The following ULK4 variants were observed in gnomAD, a reference collection of about 807,000 sequenced individuals.
ULK4 encodes the protein inactive serine/threonine-protein kinase ULK4.
A neutral mutation model predicts 160.6 loss-of-function variants in ULK4; 133 were observed. That is an observed-to-expected ratio of 0.83 (90% confidence interval 0.72 to 0.96). The LOEUF (loss-of-function observed/expected upper bound fraction) is 0.96, where lower values mean the gene tolerates loss of function less well. ULK4 is among the 40% of genes least tolerant of loss of function. The probability of loss-of-function intolerance (pLI) is 0.00; values close to 1 mark genes in which losing one functional copy is unlikely to be tolerated. For missense variants in ULK4, 1,580 were observed against 1,499.5 expected (o/e 1.05, Z -0.89); for synonymous variants, 534 against 539.8 (o/e 0.99, Z 0.15).
intron 32 of ULK4, among the ~76,000 whole-genome samples, chr3:41,531,619 GT>G (rs1379434254): frequency 6.6e-6 from 1 of 151,954 alleles, no homozygotes; most frequent in African/African-American, 2.4e-5. Flanking sequence ...AAAAGACCAA[GT>G]GTGGTATTAC....
intron 32 of ULK4, among the ~76,000 whole-genome samples, chr3:41,481,916 T>C (rs1019805948): frequency 3.3e-5 from 5 of 151,918 alleles, no homozygotes; most frequent in Admixed American, 6.6e-5. Flanking sequence ...AGAAAATTAA[T>C]CCTTTATCAC....
At chr3:41,892,432 A>G (rs1697999659) in intron 16 of ULK4, among the ~76,000 whole-genome samples, 1 of 152,258 alleles carries the variant, frequency 6.6e-6, no homozygotes, top group East Asian at 1.9e-4. Flanking sequence ...TAGCCAAAAG[A>G]TATAAACAAG....
intron 31 of ULK4, among the ~76,000 whole-genome samples, chr3:41,582,246 T>C (rs778166143): frequency 2.2e-4 from 33 of 152,132 alleles, no homozygotes; most frequent in Non-Finnish European, 4.0e-4. Flanking sequence ...GATGTGTCTT[T>C]CGCCTTCTGC....
At chr3:41,693,972 C>T (rs1367153709) in intron 27 of ULK4, among the ~76,000 whole-genome samples, 6 of 152,194 alleles carry the variant, frequency 3.9e-5, no homozygotes, top group African/African-American at 1.2e-4. Flanking sequence ...CTATATACTC[C>T]CAGTGTTGCT....
intron 18 of ULK4, among the ~76,000 whole-genome samples, chr3:41,825,174 C>T (rs2041300161): frequency 6.6e-6 from 1 of 151,240 alleles, no homozygotes; most frequent in African/African-American, 2.5e-5. Context: ...ACATCACCAT[C>T]ATCAAAGACC....
chr3:41,714,235 A>G (rs2037189797), intron 25 of ULK4, among the ~76,000 whole-genome samples: 1 of 152,196 alleles, frequency 6.6e-6, no homozygotes, highest in Non-Finnish European at 1.5e-5. Flanking sequence ...TCTGAAATTG[A>G]GCACAAAGGG....
intron 35 of ULK4, among the ~76,000 whole-genome samples, chr3:41,274,239 C>G (rs1317263436): frequency 6.6e-6 from 1 of 152,104 alleles, no homozygotes; most frequent in African/African-American, 2.4e-5. Flanking sequence ...TGTTTCAAGG[C>G]AGGAGGGTAA....
rs1435260414 is a variant in ULK4, at chr3:41,453,836, A to G, written c.3492+1661T>C. Among the ~76,000 whole-genome samples the G allele has an allele frequency of 2.0e-5, 3 of 152,022 alleles. No individual in the cohort carries two copies. In the East Asian group the frequency reaches 5.8e-4, roughly 29 times the overall value. ...CATAGAAAAATTCCATTTAAGGAAT[A>G]CTATGCAGCCATAAAAAAGGATGAG... On this transcript the variant is annotated intron_variant, in intron 34 of 36. Transcript: ENST00000301831.
At chr3:41,844,792 A>T (rs1246291759) in intron 17 of ULK4, among the ~76,000 whole-genome samples, 1,277 of 5,580 alleles carry the variant, frequency 0.23, 19 homozygotes, top group African/African-American at 0.24. Flanking sequence ...GGTTTTTCTA[A>T]AAAAAAAAAA....
chr3:41,867,008 G>C (rs1696912421), intron 17 of ULK4, among the ~76,000 whole-genome samples: 1 of 152,074 alleles, frequency 6.6e-6, no homozygotes, highest in South Asian at 2.1e-4. Flanking sequence ...TCTAGCTAGA[G>C]ATTTAAAAAT....
chr3:41,935,667 T>C (rs1298589430), intron 4 of ULK4, 134 bp downstream of exon 4: 1 of 1,151,528 alleles, frequency 8.7e-7, no homozygotes, highest in South Asian at 1.7e-5. Context: ...TGCCTCCTTT[T>C]ATTTTAAAAA....
intron 3 of ULK4, chr3:41,937,385 T>C (rs752832445): frequency 4.6e-4 from 309 of 678,392 alleles, no homozygotes; most frequent in Non-Finnish European, 7.4e-4. Context: ...TTAATCCAAA[T>C]TACTTCTTTA....
chr3:41,393,517 G>A (rs2081997591), intron 35 of ULK4, among the ~76,000 whole-genome samples: 1 of 152,090 alleles, frequency 6.6e-6, no homozygotes, highest in African/African-American at 2.4e-5. Context: ...TAAACATCAT[G>A]TCTTGCCAAC....
chr3:41,652,635 T>C (rs1421717569), intron 30 of ULK4, among the ~76,000 whole-genome samples: 3 of 152,056 alleles, frequency 2.0e-5, no homozygotes, highest in Non-Finnish European at 4.4e-5. Flanking sequence ...AGCAACGCAG[T>C]AGTGAAAAGC....
At position 41,763,052 on chromosome 3, in the gene ULK4, A is replaced by G. The variant is rs117225508; in HGVS notation, c.2194-8564T>C. 6.5e-3 allele frequency among the ~76,000 whole-genome samples: 994 copies of G among 152,086 alleles called. 40 individuals are homozygous for G. In the East Asian group the frequency reaches 0.12, roughly 18 times the overall value. On this transcript the variant is annotated intron_variant, in intron 21 of 36. Transcript: ENST00000301831. ...TGGGGGAAGCCGCCCCCATGATCCA[A>G]TCGCCTCCCACCACCAGGTCCTTCC... is the stretch of plus-strand genomic sequence containing the variant.
intron 2 of ULK4, among the ~76,000 whole-genome samples, chr3:41,946,220 A>G (rs780038009): frequency 4.6e-5 from 7 of 152,254 alleles, no homozygotes; most frequent in Admixed American, 6.5e-5. Flanking sequence ...TAATAAAGGA[A>G]TAACTACAAT....
In ULK4 at chr3:41,378,562, C is replaced by G. The variant is rs933038825; in HGVS notation, c.3678+19517G>C. Among the ~76,000 whole-genome samples the G allele has an allele frequency of 2.0e-5, 3 of 150,214 alleles. No individual in the cohort carries two copies. The East Asian group carries it at 6.1e-4, about 30-fold the overall frequency. On this transcript the variant is annotated intron_variant, in intron 35 of 36. Coordinates refer to ENST00000301831, the MANE Select transcript of ULK4 (RefSeq NM_017886.4). ...AAACCAAGCACCACATGTTCTCACTCATAGGTGGGAACTGAACAATGAGAA... is the reference window on the plus strand; with the variant it reads ...AAACCAAGCACCACATGTTCTCACTGATAGGTGGGAACTGAACAATGAGAA...
intron 31 of ULK4, among the ~76,000 whole-genome samples, chr3:41,604,343 A>G (rs2032264409): frequency 6.6e-6 from 1 of 152,096 alleles, no homozygotes; most frequent in African/African-American, 2.4e-5. Flanking sequence ...ATAAAAGTAT[A>G]CTGATGTGAG....
intron 35 of ULK4, among the ~76,000 whole-genome samples, chr3:41,375,002 G>C (rs957580892): frequency 2.0e-5 from 3 of 151,382 alleles, no homozygotes; most frequent in African/African-American, 7.3e-5. Flanking sequence ...AACAGACAGA[G>C]AGCCAAATCA....
Sources: gnomAD v4.1 joint callset for allele counts (sites outside exome capture counted in the v4.1 genomes callset) on GRCh38, gnomAD v4.1.1 for gene constraint, MANE v1.5 for transcripts, NCBI Gene and HGNC (gene_info 2026-07-23, HGNC 2026-07-21) for gene names.